NRXN1: variants seen among roughly 807,000 people sequenced by gnomAD.
The protein encoded by NRXN1 is neurexin 1, also known as neurexin-1.
A neutral mutation model predicts 150.9 loss-of-function variants in NRXN1; 39 were observed. The ratio of observed to expected loss-of-function variants is 0.26; its 90% confidence interval spans 0.20 to 0.34. NRXN1 has a LOEUF of 0.34. Among genes scored for constraint, NRXN1 ranks in the 10% least tolerant of loss-of-function variants. NRXN1 has a pLI of 1.00. For missense variants in NRXN1, 1,815 were observed against 1,949.9 expected, an observed-to-expected ratio of 0.93 and a Z score of 1.30; for synonymous variants, 924 against 757.0, an observed-to-expected ratio of 1.22 and a Z score of -3.62.
At chr2:50,481,119 T>A (rs1176568128) in intron 15 of NRXN1, among the ~76,000 whole-genome samples, 2 of 152,192 alleles carry the variant, frequency 1.3e-5, no homozygotes, top group Admixed American at 1.3e-4. Flanking sequence ...CAGGGTCTTA[T>A]TGCAAGCCCA....
chr2:50,819,130 A>AC lies in NRXN1; in HGVS notation c.832+102738_832+102739insG, dbSNP rs1320017612. Among the ~76,000 whole-genome samples the AC allele has an allele frequency of 2.4e-4, 37 of 152,126 alleles. 1 individual carries two copies. The highest frequency in any genetic ancestry group is 3.2e-4 in the Non-Finnish European group (22 of 68,010). On this transcript the variant is annotated intron_variant, in intron 5 of 22. Transcript: ENST00000401669. ...AAACAGTATGGAGGTTCCTCAAACA[A>AC]TTAAAAATAGAACTACCATATGATT...
At chr2:50,234,447 T>C (rs577738566) in intron 18 of NRXN1, among the ~76,000 whole-genome samples, 1 of 152,086 alleles carries the variant, frequency 6.6e-6, no homozygotes, top group African/African-American at 2.4e-5. Context: ...TGAACTGAGA[T>C]TGCATCATTG....
chr2:50,286,160 C>A (rs917807699), intron 17 of NRXN1, among the ~76,000 whole-genome samples: 1 of 152,108 alleles, frequency 6.6e-6, no homozygotes, highest in Non-Finnish European at 1.5e-5. Context: ...CATCCACTGT[C>A]TTAGCATTTT....
At chr2:50,501,520 T>C (rs966718910) in intron 13 of NRXN1, among the ~76,000 whole-genome samples, 7 of 151,884 alleles carry the variant, frequency 4.6e-5, no homozygotes, top group African/African-American at 1.7e-4. Context: ...TTCACAGATA[T>C]AATTTCCAGG....
At chr2:50,233,233 T>C (rs1429001204) in intron 18 of NRXN1, among the ~76,000 whole-genome samples, 1 of 152,058 alleles carries the variant, frequency 6.6e-6, no homozygotes, top group African/African-American at 2.4e-5. Flanking sequence ...CACCCCTTCA[T>C]AAAACCTTAA....
chr2:50,426,886 TC>T (rs772385591), intron 17 of NRXN1, among the ~76,000 whole-genome samples: 8 of 152,204 alleles, frequency 5.3e-5, no homozygotes. Context: ...TCACAGCCTT[TC>T]TTTCAATATT....
At chr2:50,978,306 A>AT (rs1553450038) in intron 2 of NRXN1, among the ~76,000 whole-genome samples, 199 of 117,398 alleles carry the variant, frequency 1.7e-3, no homozygotes, top group East Asian at 0.014. Context: ...ATATATATAT[A>AT]AAATATATAT....
chr2:50,919,961 G>C (rs1371205488), intron 5 of NRXN1: 1 of 361,134 alleles, frequency 2.8e-6, no homozygotes. Flanking sequence ...CCATGTCATA[G>C]TCATGATTGT....
chr2:50,738,642 T>A (rs1471277348), intron 5 of NRXN1, among the ~76,000 whole-genome samples: 1 of 152,160 alleles, frequency 6.6e-6, no homozygotes, highest in African/African-American at 2.4e-5. Flanking sequence ...CTTTTTTAAA[T>A]TGGCAATCCG....
At chr2:50,102,012 G>T (rs1558881457) in intron 18 of NRXN1, among the ~76,000 whole-genome samples, 2 of 151,924 alleles carry the variant, frequency 1.3e-5, no homozygotes, top group African/African-American at 4.8e-5. Flanking sequence ...GGAAAAAAAT[G>T]TGTGTATATG....
chr2:50,592,953 C>T (rs13000907), intron 8 of NRXN1, among the ~76,000 whole-genome samples: 1 of 152,034 alleles, frequency 6.6e-6, no homozygotes, highest in Admixed American at 6.6e-5. Context: ...AGGAAGGCCT[C>T]GTAGCCAAAT....
intron 13 of NRXN1, 45 bp from the exon 14 acceptor site, chr2:50,497,759 C>T (rs2091723385): frequency 1.3e-6 from 2 of 1,526,202 alleles, no homozygotes; most frequent in South Asian, 1.3e-5. Flanking sequence ...ATCTGAAAGG[C>T]ACTTTCAACT....
intron 2 of NRXN1, among the ~76,000 whole-genome samples, chr2:51,013,241 T>C (rs1313254729): frequency 6.6e-6 from 1 of 151,910 alleles, no homozygotes; most frequent in Non-Finnish European, 1.5e-5. Context: ...ATCCACTGTG[T>C]AAAGAGGACA....
chr2:50,621,263 G>C lies in NRXN1; in HGVS notation c.1135-14C>G, dbSNP rs1450283975. On this transcript the variant is annotated splice_polypyrimidine_tract_variant and intron_variant, in intron 6 of 22. Transcript: ENST00000401669. Reference sequence around the variant, plus strand: ...AATGCCTGAGTGCTTTGTGGAGAAGGGGGGAGAAAGGAAATTAAAAACTGT... The same window carrying C: ...AATGCCTGAGTGCTTTGTGGAGAAGCGGGGAGAAAGGAAATTAAAAACTGT... The C allele has an allele frequency of 7.7e-6, 12 of 1,560,290 alleles. No individual in the cohort carries two copies. Among genetic ancestry groups the C allele is most frequent in the Non-Finnish European group, 8.7e-6 (10 of 1,148,934 alleles).
chr2:50,656,634 A>AC (rs1686508912), intron 5 of NRXN1, among the ~76,000 whole-genome samples: 1 of 151,874 alleles, frequency 6.6e-6, no homozygotes, highest in African/African-American at 2.4e-5. Flanking sequence ...TTCCGTTTGT[A>AC]CCACCCTCAT....
intron 18 of NRXN1, chr2:50,174,749 C>T (rs1165157900): frequency 6.6e-6 from 1 of 151,806 alleles, no homozygotes; most frequent in Admixed American, 6.6e-5. Context: ...ATGTCAAGCT[C>T]TTAGAAAAAA....
chr2:50,195,086 C>T (rs945386171), intron 18 of NRXN1, among the ~76,000 whole-genome samples: 6 of 152,140 alleles, frequency 3.9e-5, no homozygotes, highest in Admixed American at 6.6e-5. Flanking sequence ...GTCTTTTACA[C>T]TTGAGCAGTT....
intron 2 of NRXN1, among the ~76,000 whole-genome samples, chr2:51,017,081 A>C (rs1369601421): frequency 6.6e-6 from 1 of 151,732 alleles, no homozygotes; most frequent in Non-Finnish European, 1.5e-5. Context: ...AGGGAGGGGA[A>C]CAGCACACAC....
chr2:50,031,487 C>T (rs536465042), intron 21 of NRXN1, among the ~76,000 whole-genome samples: 62 of 151,710 alleles, frequency 4.1e-4, no homozygotes, highest in African/African-American at 1.4e-3. Context: ...TTCTCTTAGC[C>T]AATGAGTTAC....
Sources: allele counts gnomAD v4.1 joint callset (sites outside exome capture counted in the v4.1 genomes callset), GRCh38; gene constraint gnomAD v4.1.1; transcripts MANE v1.5; gene names NCBI Gene and HGNC (gene_info 2026-07-23, HGNC 2026-07-21).